UMAD1: variants seen among roughly 807,000 people sequenced by gnomAD.
The protein encoded by UMAD1 is UBAP1-MVB12-associated (UMA)-domain containing protein 1.
Under a neutral mutation model 6.1 loss-of-function variants are expected in UMAD1, and 8 were observed. The observed-to-expected ratio is 1.30, with a 90% CI of 0.76 to 2.35. The LOEUF (loss-of-function observed/expected upper bound fraction) is 2.35. Ranked by LOEUF, UMAD1 falls within the 30% of genes most tolerant of loss-of-function variation. The pLI, the probability that UMAD1 is intolerant of heterozygous loss-of-function variation, is 0.00. For synonymous variants in UMAD1, 56 were observed against 31.4 expected (o/e 1.78, Z -2.61); for missense variants, 130 against 78.4 (o/e 1.66, Z -2.49).
chr7:7,806,051 A>G (rs1046142328), intron 3 of UMAD1, among the ~76,000 whole-genome samples: 5 of 152,168 alleles, frequency 3.3e-5, no homozygotes, highest in African/African-American at 1.2e-4. Flanking sequence ...GCCAGGTTAA[A>G]GGCCTAAATG....
intron 2 of UMAD1, chr7:7,676,284 T>C (rs905839584): frequency 7.6e-6 from 3 of 396,970 alleles, no homozygotes; most frequent in African/African-American, 4.1e-5. Context: ...CATGAAGTTA[T>C]TGAGGGGAAT....
At chr7:7,838,872 C>T (rs939484672) in intron 3 of UMAD1, among the ~76,000 whole-genome samples, 19 of 151,990 alleles carry the variant, frequency 1.3e-4, no homozygotes, top group African/African-American at 4.6e-4. Context: ...TCAAAACATG[C>T]AAAGCTATCC....
At chr7:7,841,989 A>C (rs1463465062) in intron 3 of UMAD1, among the ~76,000 whole-genome samples, 1 of 152,228 alleles carries the variant, frequency 6.6e-6, no homozygotes, top group African/African-American at 2.4e-5. Flanking sequence ...AAACAAAAAT[A>C]ATGATGACAA....
intron 1 of UMAD1, among the ~76,000 whole-genome samples, chr7:7,665,330 T>C (rs1293221998): frequency 6.6e-6 from 1 of 152,244 alleles, no homozygotes; most frequent in African/African-American, 2.4e-5. Flanking sequence ...AGTCTGTGTA[T>C]ACCATTAAAA....
intron 2 of UMAD1, among the ~76,000 whole-genome samples, chr7:7,721,928 T>C (rs1480288855): frequency 6.6e-6 from 1 of 152,140 alleles, no homozygotes; most frequent in East Asian, 1.9e-4. Context: ...AGCTGCCCGC[T>C]TGGCTGGGAT....
intron 2 of UMAD1, among the ~76,000 whole-genome samples, chr7:7,781,551 G>A (rs1563201028): frequency 6.6e-6 from 1 of 151,806 alleles, no homozygotes; most frequent in Admixed American, 6.6e-5. Context: ...TTTATGAAAT[G>A]CATTTCAGTA....
intron 2 of UMAD1, among the ~76,000 whole-genome samples, chr7:7,752,864 T>G (rs1017365046): frequency 2.6e-5 from 4 of 152,126 alleles, no homozygotes; most frequent in Non-Finnish European, 5.9e-5. Context: ...TCTCTTCTAA[T>G]TTTGTATTCA....
At chr7:7,792,785 A>G (rs1253035750) in intron 2 of UMAD1, among the ~76,000 whole-genome samples, 1 of 152,218 alleles carries the variant, frequency 6.6e-6, no homozygotes, top group Admixed American at 6.5e-5. Flanking sequence ...CTGGAAGTTG[A>G]GAAGTCCAAG....
In UMAD1 at chr7:7,688,559, A is replaced by C. The variant is rs912841399; in HGVS notation, c.82+15106A>C. Among the ~76,000 whole-genome samples the C allele has an allele frequency of 6.6e-5, 10 of 152,318 alleles. No individual in the cohort carries two copies. In the South Asian group the frequency reaches 2.1e-3, roughly 32 times the overall value. The stretch of plus-strand genomic sequence containing the variant: ...GTGTCGTGTTCAGTGTCAAGATCTC[A>C]GATGAAATCTGTCTCGAGGCTTCCT... On this transcript the variant is annotated intron_variant, in intron 2 of 3. Coordinates refer to ENST00000682710, the MANE Select transcript of UMAD1 (RefSeq NM_001302348.2).
intron 2 of UMAD1, among the ~76,000 whole-genome samples, chr7:7,788,517 G>A (rs1782500836): frequency 6.6e-6 from 1 of 151,926 alleles, no homozygotes; most frequent in Non-Finnish European, 1.5e-5. Flanking sequence ...TGATTTTATA[G>A]TATCATCCTA....
At chr7:7,754,735 C>T (rs1781742577) in intron 2 of UMAD1, among the ~76,000 whole-genome samples, 1 of 152,134 alleles carries the variant, frequency 6.6e-6, no homozygotes, top group Non-Finnish European at 1.5e-5. Flanking sequence ...ATATTTAAAA[C>T]AACTTGGGTT....
intron 3 of UMAD1, among the ~76,000 whole-genome samples, chr7:7,831,696 T>C (rs754422627): frequency 6.6e-5 from 10 of 152,216 alleles, no homozygotes; most frequent in Non-Finnish European, 1.2e-4. Flanking sequence ...TATTTCTTCA[T>C]TGACACCGTT....
chr7:7,862,623 G>A (rs78580561), intron 3 of UMAD1, among the ~76,000 whole-genome samples: 36,882 of 151,948 alleles, frequency 0.24, 5,456 homozygotes, highest in Non-Finnish European at 0.33. Flanking sequence ...CTTGGTTGTG[G>A]TTAGATGCTG....
At chr7:7,702,782 G>T (rs1287196352) in intron 2 of UMAD1, among the ~76,000 whole-genome samples, 1 of 148,546 alleles carries the variant, frequency 6.7e-6, no homozygotes, top group African/African-American at 2.4e-5. Flanking sequence ...AGTGGCCTGG[G>T]TTTTTGTTGT....
chr7:7,709,747 A>C (rs531995494), intron 2 of UMAD1, among the ~76,000 whole-genome samples: 1 of 152,158 alleles, frequency 6.6e-6, no homozygotes, highest in African/African-American at 2.4e-5. Flanking sequence ...GCTCTTGCTT[A>C]TGCAAATCTC....
intron 2 of UMAD1, among the ~76,000 whole-genome samples, chr7:7,701,929 C>T (rs977845528): frequency 4.6e-5 from 7 of 152,166 alleles, no homozygotes; most frequent in Non-Finnish European, 1.0e-4. Flanking sequence ...ATCAGCTATA[C>T]CTCCCTTTTC....
intron 3 of UMAD1, among the ~76,000 whole-genome samples, chr7:7,803,605 G>A (rs1319616567): frequency 6.6e-6 from 1 of 152,140 alleles, no homozygotes; most frequent in African/African-American, 2.4e-5. Flanking sequence ...ACCATAAATT[G>A]GATACCTTAT....
At chr7:7,720,283 G>A (rs980006012) in intron 2 of UMAD1, among the ~76,000 whole-genome samples, 1 of 152,172 alleles carries the variant, frequency 6.6e-6, no homozygotes, top group Non-Finnish European at 1.5e-5. Context: ...GAAATGGGAT[G>A]TAAAAACCCT....
intron 2 of UMAD1, among the ~76,000 whole-genome samples, chr7:7,682,824 C>G (rs947370852): frequency 6.6e-6 from 1 of 152,178 alleles, no homozygotes; most frequent in Non-Finnish European, 1.5e-5. Flanking sequence ...AATTGCAAAG[C>G]AAGTATGCCA....
Sources: gnomAD v4.1 joint callset for allele counts (sites outside exome capture counted in the v4.1 genomes callset) on GRCh38, gnomAD v4.1.1 for gene constraint, MANE v1.5 for transcripts, NCBI Gene and HGNC (gene_info 2026-07-23, HGNC 2026-07-21) for gene names.